The following SFI1 variants were observed in gnomAD, a reference collection of about 807,000 sequenced individuals.
SFI1 encodes the protein protein SFI1 homolog.
Under a neutral mutation model 207.5 loss-of-function variants are expected in SFI1, and 195 were observed. That is an observed-to-expected ratio of 0.94 (90% CI 0.84 to 1.06). The LOEUF (loss-of-function observed/expected upper bound fraction) is 1.06, where lower values mean the gene tolerates loss of function less well. Among genes scored for constraint, SFI1 ranks in the 50% least tolerant of loss-of-function variants. The pLI is 0.00. For synonymous variants in SFI1, 630 were observed against 598.9 expected (o/e 1.05, Z -0.76); for missense variants, 1,634 against 1,588.0 (o/e 1.03, Z -0.49).
Position 31,604,885 on chromosome 22 carries a change from T to C in SFI1, c.1994T>C (p.Val665Ala), listed in dbSNP as rs1412085736. 1 of 1,611,912 alleles carries C rather than the reference T, an allele frequency of 6.2e-7. No homozygotes were observed. Among genetic ancestry groups the C allele is most frequent in the Middle Eastern group, 1.7e-4 (1 of 6,052 alleles). ...CCCCTACAGACTTACCAGGGCAGGG[T>C]GCGAAGCATCCTCCGGGAGGTGGCA... ...LQAWVTYQGR[V>A]RSILREVAAR... The change falls in exon 20 of 33, where the codon GTG becomes GCG. Residue 665 changes from valine to alanine, a missense_variant. Physicochemically the swap from Val to Ala is moderately conservative, Grantham distance 64 (BLOSUM62 0). Coordinates refer to ENST00000400288, the MANE Select transcript of SFI1 (RefSeq NM_001007467.3).
chr22:31,618,062 G>A (rs557084944), intron 31 of SFI1, 53 bp from the exon 32 acceptor site: 1 of 1,524,766 alleles, frequency 6.6e-7, no homozygotes, highest in Admixed American at 2.1e-5. Flanking sequence ...TGAGCCGGAT[G>A]GGGCTCTGCC....
chr22:31,570,823 G>A (rs2062871895), intron 8 of SFI1, among the ~76,000 whole-genome samples: 1 of 152,146 alleles, frequency 6.6e-6, no homozygotes, highest in African/African-American at 2.4e-5. Context: ...AGCCTGCGAG[G>A]TGCACAGAGG....
intron 4 of SFI1, among the ~76,000 whole-genome samples, chr22:31,535,496 T>C (rs1245279101): frequency 6.6e-6 from 1 of 151,462 alleles, no homozygotes; most frequent in East Asian, 1.9e-4. Context: ...ACCTTTTTTT[T>C]GTTTTTTCTT....
intron 2 of SFI1, among the ~76,000 whole-genome samples, chr22:31,520,141 A>G (rs545754342): frequency 2.6e-5 from 4 of 151,596 alleles, no homozygotes; most frequent in African/African-American, 7.3e-5. Flanking sequence ...GCGAATTATT[A>G]TATGGCAGAC....
chr22:31,496,326 C>G (rs1184285508), upstream of SFI1: 1 of 152,290 alleles, frequency 6.6e-6, no homozygotes, highest in Non-Finnish European at 1.5e-5. Flanking sequence ...AAAGAACCCT[C>G]GGTGGGGATG....
intron 6 of SFI1, among the ~76,000 whole-genome samples, chr22:31,551,852 C>T (rs1261485930): frequency 1.3e-5 from 2 of 152,156 alleles, no homozygotes; most frequent in East Asian, 1.9e-4. Flanking sequence ...TTTGTATTGT[C>T]ATTAAAATTT....
intron 12 of SFI1, among the ~76,000 whole-genome samples, chr22:31,582,303 A>G (rs2146189540): frequency 8.3e-6 from 1 of 121,168 alleles, no homozygotes; most frequent in Non-Finnish European, 1.6e-5. Flanking sequence ...GCTGGAGTGC[A>G]GTAAGTAGCT....
At chr22:31,607,266 C>T (rs1460048066) in intron 21 of SFI1, among the ~76,000 whole-genome samples, 1 of 152,070 alleles carries the variant, frequency 6.6e-6, no homozygotes, top group Non-Finnish European at 1.5e-5. Context: ...AGGCATCACT[C>T]ATACAAAAGA....
At chr22:31,520,424 AT>A (rs1270647865) in intron 2 of SFI1, among the ~76,000 whole-genome samples, 2 of 152,176 alleles carry the variant, frequency 1.3e-5, no homozygotes, top group East Asian at 3.9e-4. Flanking sequence ...CATTTTTCAG[AT>A]TTCCTAAAAT....
intron 15 of SFI1, among the ~76,000 whole-genome samples, chr22:31,590,973 TTATTTA>T (rs1285499325): frequency 2.2e-4 from 32 of 146,986 alleles, no homozygotes; most frequent in African/African-American, 8.2e-4. Context: ...ATTTATTTAT[TTATTTA>T]TTTTTTTATT....
intron 3 of SFI1, among the ~76,000 whole-genome samples, chr22:31,529,354 G>C (rs531937870): frequency 6.6e-6 from 1 of 151,820 alleles, no homozygotes; most frequent in African/African-American, 2.4e-5. Context: ...TTGAGACCCC[G>C]TCTCCACTAA....
chr22:31,575,366 G>T lies in SFI1; in HGVS notation c.1058G>T (p.Arg353Leu). The change falls in exon 10 of 33, where the codon CGG becomes CTG. Residue 353 changes from arginine to leucine, a missense_variant. Physicochemically the swap from Arg to Leu is moderately radical, Grantham distance 102. Transcript: ENST00000400288. Reference protein sequence around the residue: ...VEKLARKMALRRAFTHWKHYM... With the variant: ...VEKLARKMALLRAFTHWKHYM... ...AAACTGGCCAGGAAGATGGCCCTGC[G>T]GCGCGCCTTTACTCACTGGAAACAC... 1 of 1,611,172 alleles carries T rather than the reference G, an allele frequency of 6.2e-7. No individual in the cohort carries two copies. The highest frequency in any genetic ancestry group is 8.5e-7 in the Non-Finnish European group (1 of 1,178,954).
At chr22:31,536,209 G>A (rs996459918) in intron 4 of SFI1, among the ~76,000 whole-genome samples, 7 of 152,052 alleles carry the variant, frequency 4.6e-5, no homozygotes, top group Admixed American at 4.6e-4. Context: ...AGCTGTTTCA[G>A]TTCTTATGTG....
At chr22:31,528,897 C>T (rs1403276737) in intron 3 of SFI1, 34 bp downstream of exon 3, 1 of 1,569,238 alleles carries the variant, frequency 6.4e-7, no homozygotes, top group African/African-American at 1.4e-5. Flanking sequence ...TCTATGGGTA[C>T]TTTGCTTTTG....
At chr22:31,505,934 G>A (rs752183771) in intron 1 of SFI1, among the ~76,000 whole-genome samples, 2 of 151,300 alleles carry the variant, frequency 1.3e-5, no homozygotes, top group African/African-American at 2.4e-5. Context: ...GCCTGTAATC[G>A]TAACACTTTG....
intron 27 of SFI1, 95 bp from the exon 28 acceptor site, chr22:31,614,694 C>G (rs761421545): frequency 1.4e-6 from 2 of 1,421,234 alleles, no homozygotes; most frequent in South Asian, 1.2e-5. Flanking sequence ...TCCTGACTTT[C>G]AGTCTCCCTA....
chr22:31,616,961 G>A, intron 30 of SFI1, 39 bp from the exon 31 acceptor site: 2 of 1,613,866 alleles, frequency 1.2e-6, no homozygotes, highest in Non-Finnish European at 1.7e-6. Context: ...GTCCCCGAGG[G>A]GAAAATAGTC....
chr22:31,587,477 G>GT (rs770901062), intron 14 of SFI1: 5,525 of 66,038 alleles, frequency 0.084, 117 homozygotes, highest in Non-Finnish European at 0.13. Context: ...TAATGTTTGT[G>GT]TTTTGTTTTT....
intron 1 of SFI1, among the ~76,000 whole-genome samples, chr22:31,502,674 A>G (rs1161719295): frequency 6.6e-6 from 1 of 151,764 alleles, no homozygotes; most frequent in Non-Finnish European, 1.5e-5. Context: ...GCGCCCGGCC[A>G]GGTTCAATTT....
Sources: allele counts gnomAD v4.1 joint callset (sites outside exome capture counted in the v4.1 genomes callset), GRCh38; gene constraint gnomAD v4.1.1; transcripts MANE v1.5; gene names NCBI Gene and HGNC (gene_info 2026-07-23, HGNC 2026-07-21).